NAALADL2: variants seen among roughly 807,000 people sequenced by gnomAD.
The protein encoded by NAALADL2 is inactive N-acetylated-alpha-linked acidic dipeptidase-like protein 2.
In NAALADL2, 76 loss-of-function variants were observed where a neutral mutation model predicts 87.2. That is an observed-to-expected ratio of 0.87 (90% confidence interval 0.72 to 1.05). The LOEUF is 1.05. Among genes scored for constraint, NAALADL2 ranks in the 50% least tolerant of loss-of-function variants. The pLI is 0.00. For synonymous variants in NAALADL2, 354 were observed against 331.0 expected, an observed-to-expected ratio of 1.07 and a Z score of -0.75; for missense variants, 1,089 against 945.8, an observed-to-expected ratio of 1.15 and a Z score of -1.99.
intron 4 of NAALADL2, among the ~76,000 whole-genome samples, chr3:175,298,764 TA>T (rs1464217435): frequency 6.6e-6 from 1 of 152,154 alleles, no homozygotes; most frequent in Non-Finnish European, 1.5e-5. Flanking sequence ...TGTCTGAACT[TA>T]ACCAAGAAAA....
intron 1 of NAALADL2, among the ~76,000 whole-genome samples, chr3:174,985,351 A>G (rs1745712173): frequency 6.6e-6 from 1 of 152,140 alleles, no homozygotes; most frequent in Non-Finnish European, 1.5e-5. Context: ...TACTTTAACT[A>G]CCTCTGGCCA....
At chr3:174,767,839 A>G (rs913970747) in intron 3 of NAALADL2, among the ~76,000 whole-genome samples, 9 of 152,196 alleles carry the variant, frequency 5.9e-5, no homozygotes, top group African/African-American at 2.2e-4. Flanking sequence ...AGAGAGTTGA[A>G]TGAATGAGCA....
intron 1 of NAALADL2, among the ~76,000 whole-genome samples, chr3:174,867,929 C>A (rs10513726): frequency 0.19 from 28,536 of 151,788 alleles, 3,614 homozygotes; most frequent in African/African-American, 0.35. Flanking sequence ...GTTGGATTAC[C>A]TAGATGAGCT....
At chr3:175,637,032 A>C (rs889574489) in intron 11 of NAALADL2, among the ~76,000 whole-genome samples, 2 of 152,236 alleles carry the variant, frequency 1.3e-5, no homozygotes, top group African/African-American at 4.8e-5. Flanking sequence ...ACAAGTGGTC[A>C]TTAATTCATT....
chr3:175,424,384 G>A (rs1458613008), intron 5 of NAALADL2, among the ~76,000 whole-genome samples: 1 of 151,984 alleles, frequency 6.6e-6, no homozygotes, highest in Non-Finnish European at 1.5e-5. Context: ...GGGTTTTTAT[G>A]GTTTTAGGTC....
intron 2 of NAALADL2, among the ~76,000 whole-genome samples, chr3:174,638,446 C>T (rs1340404546): frequency 1.3e-5 from 2 of 152,040 alleles, no homozygotes; most frequent in African/African-American, 2.4e-5. Context: ...TCATGGAAGG[C>T]TAAACAGATT....
intron 1 of NAALADL2, among the ~76,000 whole-genome samples, chr3:174,928,278 TCTC>T (rs1255033099): frequency 6.6e-6 from 1 of 152,152 alleles, no homozygotes; most frequent in Non-Finnish European, 1.5e-5. Context: ...ATTTTGCTCT[TCTC>T]ACCCAGGCTG....
At chr3:174,966,068 A>G (rs1462883921) in intron 1 of NAALADL2, among the ~76,000 whole-genome samples, 1 of 152,122 alleles carries the variant, frequency 6.6e-6, no homozygotes, top group Non-Finnish European at 1.5e-5. Flanking sequence ...TAAGATTATG[A>G]CTATCTTAGA....
intron 5 of NAALADL2, among the ~76,000 whole-genome samples, chr3:175,351,337 T>G (rs1763744078): frequency 6.6e-6 from 1 of 152,092 alleles, no homozygotes; most frequent in South Asian, 2.1e-4. Context: ...AAAAATCTGA[T>G]GTGCATATAT....
At chr3:174,749,037 G>T (rs1359363134) in intron 3 of NAALADL2, among the ~76,000 whole-genome samples, 1 of 151,982 alleles carries the variant, frequency 6.6e-6, no homozygotes, top group Non-Finnish European at 1.5e-5. Context: ...ACAACCTTTG[G>T]CTAATTTAGA....
chr3:174,518,393 T>C (rs1165081888), intron 1 of NAALADL2, among the ~76,000 whole-genome samples: 3 of 152,200 alleles, frequency 2.0e-5, no homozygotes, highest in African/African-American at 7.2e-5. Flanking sequence ...AAAATAATTT[T>C]AAATACGTTT....
chr3:175,598,311 C>T (rs1040814363), intron 10 of NAALADL2, among the ~76,000 whole-genome samples: 5 of 151,484 alleles, frequency 3.3e-5, no homozygotes, highest in African/African-American at 1.2e-4. Context: ...AAGATTTTTC[C>T]TCTAACATCA....
chr3:175,472,065 G>A (rs1455609120), intron 9 of NAALADL2, among the ~76,000 whole-genome samples: 1 of 151,598 alleles, frequency 6.6e-6, no homozygotes, highest in Non-Finnish European at 1.5e-5. Context: ...TCCCAATTCT[G>A]TAATCTTGAC....
intron 11 of NAALADL2, among the ~76,000 whole-genome samples, chr3:175,688,274 T>C (rs937575504): frequency 6.6e-6 from 1 of 152,134 alleles, no homozygotes; most frequent in African/African-American, 2.4e-5. Context: ...ATTTTCTTGG[T>C]ATTTATTATG....
At chr3:175,120,793 T>A (rs577048368) in intron 2 of NAALADL2, among the ~76,000 whole-genome samples, 19 of 151,926 alleles carry the variant, frequency 1.3e-4, no homozygotes, top group Admixed American at 2.6e-4. Flanking sequence ...AGTTGTCTAA[T>A]TGGTTGATAA....
intron 3 of NAALADL2, among the ~76,000 whole-genome samples, chr3:174,772,785 T>C (rs921695626): frequency 5.9e-5 from 9 of 152,114 alleles, no homozygotes; most frequent in African/African-American, 2.2e-4. Flanking sequence ...CATGAAACAA[T>C]TGTGAAATGA....
At chr3:175,679,316 G>C (rs1735278512) in intron 11 of NAALADL2, among the ~76,000 whole-genome samples, 3 of 151,132 alleles carry the variant, frequency 2.0e-5, no homozygotes, top group Non-Finnish European at 4.4e-5. Context: ...CTAAATGTCT[G>C]TTACTATGGG....
intron 2 of NAALADL2, among the ~76,000 whole-genome samples, chr3:175,132,782 G>C (rs532500396): frequency 2.6e-5 from 4 of 151,512 alleles, no homozygotes; most frequent in African/African-American, 9.7e-5. Flanking sequence ...CTCCTGGCGG[G>C]GGCTGACCCC....
chr3:174,474,941 A>G (rs1030979979), intron 1 of NAALADL2, among the ~76,000 whole-genome samples: 1 of 152,100 alleles, frequency 6.6e-6, no homozygotes. Flanking sequence ...AATCTGATAT[A>G]GACATTGCCC....
Sources: gnomAD v4.1 joint callset for allele counts (sites outside exome capture counted in the v4.1 genomes callset) on GRCh38, gnomAD v4.1.1 for gene constraint, MANE v1.5 for transcripts, NCBI Gene and HGNC (gene_info 2026-07-23, HGNC 2026-07-21) for gene names.